Variants in ZNF536 observed in about 807,000 individuals in gnomAD.
ZNF536 encodes the protein zinc finger protein 536.
ZNF536 carries 13 observed loss-of-function variants against 84.5 expected under a neutral mutation model. The observed-to-expected ratio is 0.15, with a 90% CI of 0.10 to 0.24. The LOEUF (loss-of-function observed/expected upper bound fraction) is 0.24, where lower values mean the gene tolerates loss of function less well. ZNF536 is among the 10% of genes least tolerant of loss of function. The pLI is 1.00. For missense variants in ZNF536, 1,536 were observed against 1,747.5 expected, an observed-to-expected ratio of 0.88 and a Z score of 2.16; for synonymous variants, 811 against 742.5, an observed-to-expected ratio of 1.09 and a Z score of -1.50.
intron 1 of ZNF536, among the ~76,000 whole-genome samples, chr19:30,394,459 C>T (rs1439242446): frequency 6.6e-6 from 1 of 152,170 alleles, no homozygotes; most frequent in African/African-American, 2.4e-5. Context: ...AGCTACCCTC[C>T]TACCCCACAA....
At chr19:30,689,651 T>C (rs1236644324) in intron 1 of ZNF536, among the ~76,000 whole-genome samples, 2 of 152,172 alleles carry the variant, frequency 1.3e-5, no homozygotes, top group African/African-American at 4.8e-5. Flanking sequence ...GCACTTGTCA[T>C]GTTTGGAGTG....
At chr19:30,313,691 C>G (rs1367215653) in intron 2 of ZNF536, among the ~76,000 whole-genome samples, 3 of 152,212 alleles carry the variant, frequency 2.0e-5, no homozygotes, top group African/African-American at 7.2e-5. Context: ...CCCACCCCGA[C>G]TGTGGTTTCC....
chr19:30,579,052 A>T (rs914326659), intron 1 of ZNF536, among the ~76,000 whole-genome samples: 1 of 152,228 alleles, frequency 6.6e-6, no homozygotes, highest in African/African-American at 2.4e-5. Flanking sequence ...TTACACATGT[A>T]AAGTCTTTAA....
At chr19:30,288,392 G>T (rs1226168709) in intron 2 of ZNF536, among the ~76,000 whole-genome samples, 1 of 152,186 alleles carries the variant, frequency 6.6e-6, no homozygotes, top group Non-Finnish European at 1.5e-5. Flanking sequence ...GTCTTGAGGG[G>T]ATAGGCTGAG....
chr19:30,432,645 T>C (rs1419739801), intron 1 of ZNF536, among the ~76,000 whole-genome samples: 6 of 152,338 alleles, frequency 3.9e-5, no homozygotes, highest in Middle Eastern at 3.4e-3. Context: ...GGAGCCCTCA[T>C]CACCACAAGA....
intron 1 of ZNF536, among the ~76,000 whole-genome samples, chr19:30,672,908 A>G (rs76452494): frequency 1.4e-3 from 207 of 152,290 alleles, no homozygotes; most frequent in African/African-American, 4.9e-3. Context: ...GACAACCTCA[A>G]GAAAGCTGCG....
At chr19:30,477,906 A>T (rs142519117) in intron 2 of ZNF536, among the ~76,000 whole-genome samples, 48 of 152,334 alleles carry the variant, frequency 3.2e-4, no homozygotes, top group Non-Finnish European at 4.3e-4. Flanking sequence ...CTCTACAGAA[A>T]TAAAAATCTG....
intron 2 of ZNF536, among the ~76,000 whole-genome samples, chr19:30,312,248 T>G (rs1424890049): frequency 6.6e-6 from 1 of 151,784 alleles, no homozygotes; most frequent in Non-Finnish European, 1.5e-5. Context: ...TGACCTTAAC[T>G]GTGGGGAGAA....
rs2046753215 is a variant in ZNF536 at position 30,318,513 on chromosome 19, G to C, written c.-119-33855G>C. On this transcript the variant is annotated intron_variant, in intron 2 of 5. Coordinates refer to the ZNF536 transcript ENST00000585628. ...ATCACAAGATTCCACTAGAGCGAAAGACTGCAGAGAGGCCTTGGAGTTTGA... is the reference window on the plus strand; with the variant it reads ...ATCACAAGATTCCACTAGAGCGAAACACTGCAGAGAGGCCTTGGAGTTTGA... Among the ~76,000 whole-genome samples the C allele has an allele frequency of 2.0e-5, 3 of 152,158 alleles. No homozygotes were observed. In the East Asian group the frequency reaches 5.8e-4, roughly 29 times the overall value.
intron 1 of ZNF536, among the ~76,000 whole-genome samples, chr19:30,623,442 A>G (rs1172303006): frequency 3.3e-5 from 5 of 152,160 alleles, no homozygotes; most frequent in Admixed American, 1.3e-4. Context: ...TCCCCATGCA[A>G]TCTGGCTTGC....
intron 1 of ZNF536, among the ~76,000 whole-genome samples, chr19:30,254,879 G>GAAAAAAA (rs1056335535): frequency 7.2e-5 from 11 of 152,336 alleles, no homozygotes; most frequent in African/African-American, 2.4e-4. Flanking sequence ...TGAGATCTGA[G>GAAAAAAA]AAAGTTAGCA....
rs145509705 is a variant in ZNF536, at chr19:30,516,442, C to T, written c.2171-18405C>T. 9.2e-5 allele frequency among the ~76,000 whole-genome samples: 14 copies of T among 152,342 alleles called. No homozygotes were observed. The East Asian group carries it at 1.5e-3, about 17-fold the overall frequency. On this transcript the variant is annotated intron_variant, in intron 2 of 4. Transcript: ENST00000355537. Reference sequence around the variant, plus strand: ...ACAACGTTCAAGCCAACACTAGGGACATAAACTTAAGTGAGACAATGAGGC... The same window carrying T: ...ACAACGTTCAAGCCAACACTAGGGATATAAACTTAAGTGAGACAATGAGGC...
intron 4 of ZNF536, among the ~76,000 whole-genome samples, chr19:30,552,139 A>G (rs1327864995): frequency 6.6e-6 from 1 of 152,216 alleles, no homozygotes; most frequent in African/African-American, 2.4e-5. Context: ...TTGCAAGGGT[A>G]GAAGTGATAT....
At chr19:30,532,392 A>G (rs1250296426) in intron 2 of ZNF536, among the ~76,000 whole-genome samples, 2 of 152,020 alleles carry the variant, frequency 1.3e-5, no homozygotes, top group African/African-American at 4.8e-5. Context: ...CAGCCTCCCA[A>G]AGTGTTGGGA....
At chr19:30,450,591 C>A (rs1303170239) in intron 2 of ZNF536, among the ~76,000 whole-genome samples, 1 of 152,108 alleles carries the variant, frequency 6.6e-6, no homozygotes, top group Non-Finnish European at 1.5e-5. Flanking sequence ...ATTTTTTTAG[C>A]CCAGGCTCAA....
chr19:30,309,833 G>A (rs895652120), intron 2 of ZNF536, among the ~76,000 whole-genome samples: 2 of 152,132 alleles, frequency 1.3e-5, no homozygotes, highest in Non-Finnish European at 1.5e-5. Flanking sequence ...GGGTGACTTC[G>A]ACGGCTTTGC....
At position 30,515,518 on chromosome 19, in the gene ZNF536, G is replaced by A. The variant is rs553779981; in HGVS notation, c.2171-19329G>A. ...GAATCATCCTCATGGGAAGTGTCCCGTGCTGTTAGGACAGAGTAGGATCTC... is the reference window on the plus strand; with the variant it reads ...GAATCATCCTCATGGGAAGTGTCCCATGCTGTTAGGACAGAGTAGGATCTC... On this transcript the variant is annotated intron_variant, in intron 2 of 4. Transcript: ENST00000355537. Among the ~76,000 whole-genome samples, 27 of 152,222 alleles carry A rather than the reference G, an allele frequency of 1.8e-4. 2 individuals carry two copies. Among genetic ancestry groups the A allele is most frequent in the South Asian group, 1.7e-3 (8 of 4,826 alleles).
At chr19:30,390,737 C>G (rs572365875) in intron 1 of ZNF536, among the ~76,000 whole-genome samples, 1 of 152,162 alleles carries the variant, frequency 6.6e-6, no homozygotes, top group Non-Finnish European at 1.5e-5. Flanking sequence ...CAGGCAGCCC[C>G]GTGAGCTTAC....
At chr19:30,348,044 T>C (rs1217051892) in intron 2 of ZNF536, among the ~76,000 whole-genome samples, 1 of 152,274 alleles carries the variant, frequency 6.6e-6, no homozygotes, top group Non-Finnish European at 1.5e-5. Flanking sequence ...ATTCATGAAG[T>C]ATTTTTGATT....
Sources: gnomAD v4.1 joint callset for allele counts (sites outside exome capture counted in the v4.1 genomes callset) on GRCh38, gnomAD v4.1.1 for gene constraint, MANE v1.5 for transcripts, NCBI Gene and HGNC (gene_info 2026-07-23, HGNC 2026-07-21) for gene names.